The following METTL22 variants were observed in gnomAD, a reference collection of about 807,000 sequenced individuals.
METTL22 encodes methyltransferase 22, Kin17 lysine.
METTL22 carries 51 observed loss-of-function variants against 48.4 expected under a neutral mutation model. The observed-to-expected ratio is 1.05, with a 90% CI of 0.84 to 1.33. The LOEUF is 1.33. METTL22 is among the 40% of genes most tolerant of loss of function. METTL22 has a pLI of 0.00. For missense variants in METTL22, 678 were observed against 526.9 expected, an observed-to-expected ratio of 1.29 and a Z score of -2.81; for synonymous variants, 255 against 214.1, an observed-to-expected ratio of 1.19 and a Z score of -1.67.
chr16:8,659,717 G>T, the METTL22 span, among the ~76,000 whole-genome samples: 1 of 147,786 alleles, frequency 6.8e-6, no homozygotes, highest in African/African-American at 2.6e-5. Flanking sequence ...TGATTAGGGC[G>T]CAAGGACTTC....
At chr16:8,622,303 A>G (rs2055880744) in intron 1 of METTL22, among the ~76,000 whole-genome samples, 1 of 152,184 alleles carries the variant, frequency 6.6e-6, no homozygotes, top group South Asian at 2.1e-4. Flanking sequence ...GAGGGAAGTT[A>G]TTTCAACACC....
chr16:8,646,544 C>A lies in METTL22; in HGVS notation c.*401C>A, dbSNP rs1474873674. ...TTACAGATGGGTTGACTACCACTGCCAGTATTGCCATCATATTGCCGCTCG... is the reference window on the plus strand; with the variant it reads ...TTACAGATGGGTTGACTACCACTGCAAGTATTGCCATCATATTGCCGCTCG... On this transcript the variant is annotated 3_prime_UTR_variant, in exon 11 of 11. Coordinates refer to ENST00000381920, the MANE Select transcript of METTL22 (RefSeq NM_024109.4). 1 of 490,362 alleles carries A rather than the reference C, an allele frequency of 2.0e-6. No homozygotes were observed. The highest frequency in any genetic ancestry group is 1.5e-5 in the South Asian group (1 of 64,812). The allele number at this position is 490,362 out of a possible 1,614,324, so 30.4% of individuals were successfully genotyped here. A position where few individuals can be genotyped will look rare whatever the true frequency, so the allele number is the denominator to read the frequency against.
the METTL22 span, among the ~76,000 whole-genome samples, chr16:8,657,489 TC>T: frequency 6.6e-6 from 1 of 152,176 alleles, no homozygotes; most frequent in African/African-American, 2.4e-5. Flanking sequence ...CTTTGTCCTG[TC>T]CCTCTTTAAC....
At position 8,644,383 on chromosome 16, in the gene METTL22, C is replaced by T. The variant is rs2056717650; in HGVS notation, c.1011-174C>T. The T allele has an allele frequency of 8.4e-6, 5 of 596,534 alleles. No homozygotes were observed. The East Asian group carries it at 9.1e-5, about 11-fold the overall frequency. 37.0% of individuals were successfully genotyped at this position (596,534 alleles called of 1,614,324 possible). On this transcript the variant is annotated intron_variant, in intron 9 of 10. Coordinates refer to ENST00000381920, the MANE Select transcript of METTL22 (RefSeq NM_024109.4). Reference sequence around the variant, plus strand: ...TATCCACTTCCACCTCCTGGGCTGTCGTGCAGATGTAGGAAGGAATTGCAC... The same window carrying T: ...TATCCACTTCCACCTCCTGGGCTGTTGTGCAGATGTAGGAAGGAATTGCAC...
chr16:8,639,249 C>A, intron 6 of METTL22, 87 bp downstream of exon 6: 1 of 1,325,842 alleles, frequency 7.5e-7, no homozygotes, highest in Non-Finnish European at 1.1e-6. Context: ...CATTGGGAGG[C>A]AGGGCTCCGT....
At chr16:8,624,167 C>G (rs530299492) in intron 1 of METTL22, 3 of 152,306 alleles carry the variant, frequency 2.0e-5, no homozygotes, top group Admixed American at 2.0e-4. Flanking sequence ...CAAAGCCCAT[C>G]AGACTACTGC....
intron 3 of METTL22, among the ~76,000 whole-genome samples, chr16:8,632,894 T>TA (rs1201577533): frequency 1.3e-5 from 2 of 152,110 alleles, no homozygotes; most frequent in East Asian, 3.8e-4. Flanking sequence ...AGGCAGAACT[T>TA]ACGTCCACGA....
In METTL22 at chr16:8,635,562, C is replaced by T. The variant is rs542925233; in HGVS notation, c.700+250C>T. Among the ~76,000 whole-genome samples the T allele has an allele frequency of 5.9e-5, 9 of 152,286 alleles. No homozygotes were observed. In the East Asian group the frequency reaches 1.4e-3, roughly 23 times the overall value. On this transcript the variant is annotated intron_variant, in intron 5 of 10. Transcript: ENST00000381920. Reference sequence around the variant, plus strand: ...CCATTGAGCTTCAGGAGGTGCCTAGCGCCCCTGCTGGTACCTCTCTCCCCA... The same window carrying T: ...CCATTGAGCTTCAGGAGGTGCCTAGTGCCCCTGCTGGTACCTCTCTCCCCA...
At chr16:8,660,163 T>G in the METTL22 span, among the ~76,000 whole-genome samples, 121,148 of 151,770 alleles carry the variant, frequency 0.8, 49,289 homozygotes, top group East Asian at 1. Context: ...CCTGTTTTTG[T>G]TTTTGTTTTT....
At chr16:8,660,094 C>T in the METTL22 span, among the ~76,000 whole-genome samples, 1 of 73,352 alleles carries the variant, frequency 1.4e-5, no homozygotes, top group African/African-American at 3.7e-5. Flanking sequence ...GAAAATCACC[C>T]CAAAGGGTAC....
chr16:8,638,823 G>C (rs57463066), intron 5 of METTL22, among the ~76,000 whole-genome samples: 2 of 152,148 alleles, frequency 1.3e-5, no homozygotes, highest in Non-Finnish European at 2.9e-5. Flanking sequence ...TGTTGCATGT[G>C]CTCGGATGAT....
In METTL22 at chr16:8,642,447, T is replaced by C. The variant is rs751947473; in HGVS notation, c.908-16T>C. On this transcript the variant is annotated splice_polypyrimidine_tract_variant and intron_variant, in intron 8 of 10. Coordinates refer to ENST00000381920, the MANE Select transcript of METTL22 (RefSeq NM_024109.4). ...TGCGTGTTTTCCTCTAATGCTGGCC[T>C]TTTTGCTTCCCACAGTGTTTTACGA... 1 of 1,612,682 alleles carries C rather than the reference T, an allele frequency of 6.2e-7. No individual in the cohort carries two copies. The highest frequency in any genetic ancestry group is 8.5e-7 in the Non-Finnish European group (1 of 1,178,778).
At position 8,648,350 on chromosome 16, in the gene METTL22, G is replaced by A. The variant is rs1209297853; in HGVS notation, c.*2207G>A. Reference sequence around the variant, plus strand: ...AAATTAAAAAGCCAGGCGAGGTGCCGGGCATGGTGGCTCATGCCTGTCATC... The same window carrying A: ...AAATTAAAAAGCCAGGCGAGGTGCCAGGCATGGTGGCTCATGCCTGTCATC... On this transcript the variant is annotated 3_prime_UTR_variant, in exon 11 of 11. Coordinates refer to ENST00000381920, the MANE Select transcript of METTL22 (RefSeq NM_024109.4). 3 of 151,730 alleles carry A rather than the reference G, an allele frequency of 2.0e-5. No individual in the cohort carries two copies. The highest frequency in any genetic ancestry group is 2.4e-5 in the African/African-American group (1 of 41,250). 9.4% of individuals were successfully genotyped at this position (151,730 alleles called of 1,614,324 possible).
chr16:8,630,647 A>C (rs1187206444), intron 3 of METTL22, among the ~76,000 whole-genome samples: 1 of 152,056 alleles, frequency 6.6e-6, no homozygotes, highest in African/African-American at 2.4e-5. Flanking sequence ...TCTGTAGTGA[A>C]TGTTCTGGGA....
chr16:8,633,975 C>T (rs139947192), intron 3 of METTL22, among the ~76,000 whole-genome samples: 3 of 152,296 alleles, frequency 2.0e-5, no homozygotes, highest in African/African-American at 2.4e-5. Flanking sequence ...TCAGGTGGTT[C>T]GGCAGGTGTA....
In METTL22 at chr16:8,644,842, G is replaced by C; in HGVS notation, c.1179+117G>C. 9 of 1,150,342 alleles carry C rather than the reference G, an allele frequency of 7.8e-6. No individual in the cohort carries two copies. The South Asian group carries it at 1.2e-4, about 16-fold the overall frequency. The allele number at this position is 1,150,342 out of a possible 1,614,324, so 71.3% of individuals were successfully genotyped here. A position where few individuals can be genotyped will look rare whatever the true frequency, so the allele number is the denominator to read the frequency against. ...CACAGGCTCCACCCTAGTCCTGCAGGGGGTGAAGCCTGCGTGCCTGGCACC... is the reference window on the plus strand; with the variant it reads ...CACAGGCTCCACCCTAGTCCTGCAGCGGGTGAAGCCTGCGTGCCTGGCACC... On this transcript the variant is annotated intron_variant, in intron 10 of 10. Coordinates refer to ENST00000381920, the MANE Select transcript of METTL22 (RefSeq NM_024109.4).
the METTL22 span, among the ~76,000 whole-genome samples, chr16:8,663,225 A>AAT: frequency 0.27 from 33,576 of 123,372 alleles, 6,133 homozygotes; most frequent in East Asian, 0.35. Flanking sequence ...AAAAAAAAAA[A>AAT]GGTAGCCAAG....
At chr16:8,622,751 A>G (rs2055897770) in intron 1 of METTL22, among the ~76,000 whole-genome samples, 1 of 152,124 alleles carries the variant, frequency 6.6e-6, no homozygotes, top group African/African-American at 2.4e-5. Context: ...AGGGCCTGAG[A>G]TAGGTTCAAG....
At chr16:8,629,757 ACT>A (rs1489148133) in intron 3 of METTL22, among the ~76,000 whole-genome samples, 1 of 151,702 alleles carries the variant, frequency 6.6e-6, no homozygotes, top group African/African-American at 2.4e-5. Context: ...GGGTTTGCTG[ACT>A]CTAGGATTTG....
Sources: gnomAD v4.1 joint callset for allele counts (sites outside exome capture counted in the v4.1 genomes callset) on GRCh38, gnomAD v4.1.1 for gene constraint, MANE v1.5 for transcripts, NCBI Gene and HGNC (gene_info 2026-07-23, HGNC 2026-07-21) for gene names.